ATP2B4: variants seen among roughly 807,000 people sequenced by gnomAD.
The protein encoded by ATP2B4 is ATPase plasma membrane Ca2+ transporting 4, also known as plasma membrane calcium-transporting ATPase 4.
A neutral mutation model predicts 110.3 loss-of-function variants in ATP2B4; 39 were observed. That is an observed-to-expected ratio of 0.35 (90% CI 0.27 to 0.46). ATP2B4 has a LOEUF of 0.46. ATP2B4 is among the 20% of genes least tolerant of loss of function. ATP2B4 has a pLI of 1.00. For synonymous variants in ATP2B4, 538 were observed against 571.7 expected (o/e 0.94, Z 0.84); for missense variants, 1,135 against 1,530.9 (o/e 0.74, Z 4.32).
chr1:203,662,338 T>C (rs1664365457), intron 1 of ATP2B4, among the ~76,000 whole-genome samples: 1 of 152,170 alleles, frequency 6.6e-6, no homozygotes, highest in Non-Finnish European at 1.5e-5. Flanking sequence ...TCTTAACCAT[T>C]TTTAAGTAGA....
At chr1:203,729,897 C>T (rs1325435847) in intron 20 of ATP2B4, among the ~76,000 whole-genome samples, 2 of 152,118 alleles carry the variant, frequency 1.3e-5, no homozygotes, top group Non-Finnish European at 2.9e-5. Context: ...GACCAGATGT[C>T]ACTGAGCAGC....
chr1:203,724,874 T>TG (rs1399424980), intron 19 of ATP2B4, among the ~76,000 whole-genome samples: 3 of 141,326 alleles, frequency 2.1e-5, no homozygotes, highest in Admixed American at 7.1e-5. Flanking sequence ...TCTGTTTTTT[T>TG]TTTTTTTTTT....
intron 1 of ATP2B4, among the ~76,000 whole-genome samples, chr1:203,651,030 C>T (rs547050501): frequency 6.6e-6 from 1 of 152,292 alleles, no homozygotes; most frequent in Non-Finnish European, 1.5e-5. Context: ...CTGCCTCGGC[C>T]TCCCAAAGTG....
rs1665063499 is a variant in ATP2B4, at chr1:203,683,087, TG to T, written c.-116del. 1.7e-6 allele frequency: 2 copies of T among 1,157,340 alleles called. No individual in the cohort carries two copies. Among genetic ancestry groups the T allele is most frequent in the East Asian group, 2.4e-5 (1 of 42,166 alleles). 71.7% of individuals were successfully genotyped at this position (1,157,340 alleles called of 1,614,324 possible). ...AGATATATTCAATCTATTCCCTCAC[TG>T]GGCCCCCAGAGAAGCAAGAAGTAGG... On this transcript the variant is annotated 5_prime_UTR_variant, in exon 2 of 21. Transcript: ENST00000357681.
rs758017863 is a variant in ATP2B4, at chr1:203,739,791, T to C, written c.3555T>C (p.Asp1185=). Residue 1185 remains aspartate (D), a synonymous_variant, in exon 21 of 21, where the codon GAT becomes GAC. Coordinates refer to ENST00000357681, the MANE Select transcript of ATP2B4 (RefSeq NM_001684.5). ...CCAATACAAACAACAATGCGGTGGA[T>C]TGCAACCAAGTGCAGCTCCCCCAGT... ...PYANTNNNAV[D]CNQVQLPQSD... 77 of 1,614,046 alleles carry C rather than the reference T, an allele frequency of 4.8e-5. No individual in the cohort carries two copies. In the Admixed American group the frequency reaches 9.0e-4, roughly 19 times the overall value.
intron 19 of ATP2B4, among the ~76,000 whole-genome samples, chr1:203,725,096 T>G (rs113662576): frequency 0.016 from 2,373 of 151,216 alleles, 66 homozygotes; most frequent in African/African-American, 0.055. Context: ...TAGGCTGGTC[T>G]GGAACTCCTG....
Position 203,694,998 on chromosome 1 carries a change from A to G in ATP2B4, c.194-3159A>G, listed in dbSNP as rs547952863. 5.3e-5 allele frequency among the ~76,000 whole-genome samples: 8 copies of G among 152,300 alleles called. No individual in the cohort carries two copies. The South Asian group carries it at 1.7e-3, about 32-fold the overall frequency. On this transcript the variant is annotated intron_variant, in intron 2 of 20. Transcript: ENST00000357681. ...TATTAGCATGAGAGCAGAGAGGGAC[A>G]GGTAGCCCTGTTCTCTGCCCCTCAT...
intron 1 of ATP2B4, among the ~76,000 whole-genome samples, chr1:203,681,024 G>A (rs1664995700): frequency 6.6e-6 from 1 of 152,210 alleles, no homozygotes; most frequent in African/African-American, 2.4e-5. Flanking sequence ...GAACTGGGGT[G>A]AAAACTCTGT....
chr1:203,659,139 A>G (rs1664257419), intron 1 of ATP2B4, among the ~76,000 whole-genome samples: 1 of 152,212 alleles, frequency 6.6e-6, no homozygotes, highest in African/African-American at 2.4e-5. Flanking sequence ...AATACTAAAA[A>G]ACTTGGTATA....
chr1:203,701,296 A>G (rs542100402), intron 6 of ATP2B4, among the ~76,000 whole-genome samples: 2 of 152,324 alleles, frequency 1.3e-5, no homozygotes, highest in South Asian at 4.1e-4. Flanking sequence ...GGGGGGTTAA[A>G]CGAACCATCA....
chr1:203,724,032 G>C, intron 19 of ATP2B4, 44 bp downstream of exon 19: 1 of 1,517,262 alleles, frequency 6.6e-7, no homozygotes, highest in Non-Finnish European at 9.0e-7. Flanking sequence ...ACAGCCTGCA[G>C]AACTCCCCTC....
intron 4 of ATP2B4, 109 bp from the exon 5 acceptor site, chr1:203,700,096 AG>A: frequency 7.9e-7 from 1 of 1,263,742 alleles, no homozygotes; most frequent in Non-Finnish European, 1.1e-6. Context: ...CTGTCTAGAT[AG>A]GGCCCATGGG....
intron 1 of ATP2B4, among the ~76,000 whole-genome samples, chr1:203,673,736 T>C (rs1664743426): frequency 6.6e-6 from 1 of 152,190 alleles, no homozygotes; most frequent in Non-Finnish European, 1.5e-5. Context: ...GCTGAGCGTC[T>C]GGGGACAGAG....
chr1:203,668,199 C>G (rs1214018597), intron 1 of ATP2B4, among the ~76,000 whole-genome samples: 1 of 152,128 alleles, frequency 6.6e-6, no homozygotes, highest in Non-Finnish European at 1.5e-5. Flanking sequence ...GTGGAGCCAT[C>G]TTGCAGCTTG....
intron 1 of ATP2B4, among the ~76,000 whole-genome samples, chr1:203,673,271 A>G (rs188485671): frequency 4.2e-4 from 64 of 152,312 alleles, no homozygotes; most frequent in African/African-American, 1.4e-3. Context: ...GAGGGGCCCA[A>G]TAGGTTTGCC....
intron 1 of ATP2B4, among the ~76,000 whole-genome samples, chr1:203,636,988 A>G (rs1253202610): frequency 6.6e-6 from 1 of 152,166 alleles, no homozygotes; most frequent in Admixed American, 6.5e-5. Context: ...CGGGAACTTC[A>G]ATTAGGAAGT....
At chr1:203,667,261 T>G (rs1664531137) in intron 1 of ATP2B4, among the ~76,000 whole-genome samples, 1 of 152,154 alleles carries the variant, frequency 6.6e-6, no homozygotes, top group Non-Finnish European at 1.5e-5. Flanking sequence ...CTCTAGCACT[T>G]TTTTCCAAAG....
chr1:203,720,773 G>A (rs1291174538), intron 16 of ATP2B4, 33 bp downstream of exon 16: 1 of 1,588,778 alleles, frequency 6.3e-7, no homozygotes, highest in East Asian at 2.2e-5. Flanking sequence ...GAGACGGGAG[G>A]GATGAGTCAG....
At chr1:203,701,755 C>A (rs1281776539) in intron 6 of ATP2B4, among the ~76,000 whole-genome samples, 1 of 152,162 alleles carries the variant, frequency 6.6e-6, no homozygotes, top group Non-Finnish European at 1.5e-5. Flanking sequence ...TAATCCCCAC[C>A]CCATTTTTCC....
Sources: allele counts gnomAD v4.1 joint callset (sites outside exome capture counted in the v4.1 genomes callset), GRCh38; gene constraint gnomAD v4.1.1; transcripts MANE v1.5; gene names NCBI Gene and HGNC (gene_info 2026-07-23, HGNC 2026-07-21).